The following LMNB1 variants were observed in gnomAD, a reference collection of about 807,000 sequenced individuals.
The protein encoded by LMNB1 is lamin B1, also known as lamin-B1.
In LMNB1, 23 loss-of-function variants were observed where a neutral mutation model predicts 67.1. The ratio of observed to expected loss-of-function variants is 0.34; its 90% CI spans 0.25 to 0.49. The LOEUF (loss-of-function observed/expected upper bound fraction) is 0.49. Among genes scored for constraint, LMNB1 ranks in the 20% least tolerant of loss-of-function variants. The probability of loss-of-function intolerance (pLI) is 0.99; values close to 1 mark genes in which losing one functional copy is unlikely to be tolerated. For synonymous variants in LMNB1, 281 were observed against 282.9 expected, an observed-to-expected ratio of 0.99 and a Z score of 0.07; for missense variants, 634 against 746.5, an observed-to-expected ratio of 0.85 and a Z score of 1.76.
In LMNB1 at chr5:126,836,278, CT is replaced by C. The variant is rs745952572; in HGVS notation, c.*16del. On this transcript the variant is annotated 3_prime_UTR_variant, in exon 11 of 11. Transcript: ENST00000261366. ...GCAATTATGTAAAATTTTCAACTGT[CT>C]TCCTCAAAATAAAGAAGTATGGTAA... 2.1e-5 allele frequency: 33 copies of C among 1,587,736 alleles called. 2 individuals are homozygous for C. The South Asian group carries it at 3.5e-4, about 17-fold the overall frequency.
At chr5:126,812,446 A>G (rs1751601271) in intron 5 of LMNB1, among the ~76,000 whole-genome samples, 1 of 152,216 alleles carries the variant, frequency 6.6e-6, no homozygotes, top group Non-Finnish European at 1.5e-5. Flanking sequence ...GACAAATGGC[A>G]TTATTGCCGG....
In LMNB1 at chr5:126,780,703, T is replaced by C. The variant is rs1750613418; in HGVS notation, c.359+2836T>C. ...TATATTTTTCTTAAGTCTGTGCTAC[T>C]GTATGTATATTCCTATTGCCAGGAT... On this transcript the variant is annotated intron_variant, in intron 1 of 10. Coordinates refer to ENST00000261366, the MANE Select transcript of LMNB1 (RefSeq NM_005573.4). Among the ~76,000 whole-genome samples the C allele has an allele frequency of 3.9e-5, 6 of 152,352 alleles. No individual in the cohort carries two copies. The South Asian group carries it at 1.2e-3, about 32-fold the overall frequency.
chr5:126,783,616 GTTTA>G (rs1750688286), intron 1 of LMNB1, among the ~76,000 whole-genome samples: 1 of 152,146 alleles, frequency 6.6e-6, no homozygotes, highest in Admixed American at 6.6e-5. Flanking sequence ...TTTTGGAGTT[GTTTA>G]TTTAACTTAG....
At chr5:126,798,588 C>T (rs183863097) in intron 1 of LMNB1, among the ~76,000 whole-genome samples, 10 of 152,222 alleles carry the variant, frequency 6.6e-5, no homozygotes, top group African/African-American at 2.2e-4. Flanking sequence ...AGAGGATACC[C>T]ATGCATGTGA....
In LMNB1 at chr5:126,812,008, G is replaced by A. The variant is rs888482015; in HGVS notation, c.939+110G>A. On this transcript the variant is annotated intron_variant, in intron 5 of 10. Transcript: ENST00000261366. ...ACTCCTCCCTCTGTTTGTTACAGAG[G>A]ATGGTGTCATCCTGTGCTTTCGTCT... 3.2e-5 allele frequency: 35 copies of A among 1,095,150 alleles called. No homozygotes were observed. In the African/African-American group the frequency reaches 3.8e-4, roughly 12 times the overall value. 67.8% of individuals were successfully genotyped at this position (1,095,150 alleles called of 1,614,324 possible).
intron 1 of LMNB1, among the ~76,000 whole-genome samples, chr5:126,795,941 T>TC (rs1751078954): frequency 7.3e-6 from 1 of 136,190 alleles, no homozygotes; most frequent in South Asian, 2.5e-4. Flanking sequence ...TGCTTTTTTT[T>TC]TTTTTTTTGA....
chr5:126,796,379 AC>A (rs1338149227), intron 1 of LMNB1, among the ~76,000 whole-genome samples: 1 of 152,104 alleles, frequency 6.6e-6, no homozygotes, highest in African/African-American at 2.4e-5. Flanking sequence ...AGTCATCCTC[AC>A]AGAAGGACTA....
chr5:126,793,798 C>T (rs554363322), intron 1 of LMNB1, among the ~76,000 whole-genome samples: 84 of 151,806 alleles, frequency 5.5e-4, no homozygotes, highest in Non-Finnish European at 9.9e-4. Flanking sequence ...ATCACTTAAA[C>T]CCGGAAGGCG....
At chr5:126,826,622 A>G (rs1752004225) in intron 9 of LMNB1, among the ~76,000 whole-genome samples, 1 of 152,174 alleles carries the variant, frequency 6.6e-6, no homozygotes, top group African/African-American at 2.4e-5. Flanking sequence ...TGTCAGTCTT[A>G]GAATCCTTGT....
At chr5:126,800,742 T>C (rs1021953953) in intron 1 of LMNB1, among the ~76,000 whole-genome samples, 1 of 132,916 alleles carries the variant, frequency 7.5e-6, no homozygotes, top group Non-Finnish European at 1.5e-5. Context: ...AACCTCTGCC[T>C]CCCGGGTTCA....
chr5:126,781,212 C>T (rs1335001105), intron 1 of LMNB1, among the ~76,000 whole-genome samples: 1 of 152,068 alleles, frequency 6.6e-6, no homozygotes, highest in African/African-American at 2.4e-5. Context: ...ATTGCTTGAA[C>T]CGGGGAGGCG....
At chr5:126,782,997 C>G (rs937463348) in intron 1 of LMNB1, among the ~76,000 whole-genome samples, 1 of 151,228 alleles carries the variant, frequency 6.6e-6, no homozygotes, top group African/African-American at 2.4e-5. Flanking sequence ...GTCAGGAGTT[C>G]GAGACCAGCC....
chr5:126,784,066 C>G, intron 1 of LMNB1, among the ~76,000 whole-genome samples: 1 of 140,850 alleles, frequency 7.1e-6, no homozygotes, highest in East Asian at 2.0e-4. Flanking sequence ...CTCTCGTTGC[C>G]CAGGCTGGAG....
intron 1 of LMNB1, among the ~76,000 whole-genome samples, chr5:126,786,674 T>C (rs948216249): frequency 2.6e-4 from 40 of 152,348 alleles, no homozygotes; most frequent in African/African-American, 9.6e-4. Context: ...TGGTTGGTAC[T>C]TGAAGTCTCA....
intron 1 of LMNB1, among the ~76,000 whole-genome samples, chr5:126,787,134 G>A (rs1750806967): frequency 1.3e-5 from 2 of 152,030 alleles, no homozygotes; most frequent in Non-Finnish European, 2.9e-5. Flanking sequence ...AGTCTAGTGG[G>A]GAAGACAGAA....
intron 8 of LMNB1, 79 bp from the exon 9 acceptor site, chr5:126,825,909 T>G: frequency 3.5e-5 from 56 of 1,584,228 alleles, no homozygotes; most frequent in Non-Finnish European, 4.2e-5. Flanking sequence ...ATCAAGTGTT[T>G]GAGTCTCATC....
chr5:126,788,215 A>G (rs1750858795), intron 1 of LMNB1, among the ~76,000 whole-genome samples: 1 of 152,178 alleles, frequency 6.6e-6, no homozygotes, highest in Admixed American at 6.6e-5. Flanking sequence ...AAGTCAGTGA[A>G]TTAGTGGTGT....
chr5:126,833,895 TG>T (rs1752190638), intron 10 of LMNB1, among the ~76,000 whole-genome samples: 1 of 152,188 alleles, frequency 6.6e-6, no homozygotes, highest in Admixed American at 6.5e-5. Context: ...AGGCAGATGA[TG>T]GTGCTCTGAG....
At chr5:126,826,780 G>A (rs898768188) in intron 9 of LMNB1, among the ~76,000 whole-genome samples, 2 of 152,100 alleles carry the variant, frequency 1.3e-5, no homozygotes, top group Non-Finnish European at 2.9e-5. Context: ...TTTCCCTAGC[G>A]AATCACCTTA....
Sources: gnomAD v4.1 joint callset for allele counts (sites outside exome capture counted in the v4.1 genomes callset) on GRCh38, gnomAD v4.1.1 for gene constraint, MANE v1.5 for transcripts, NCBI Gene and HGNC (gene_info 2026-07-23, HGNC 2026-07-21) for gene names.